The following SH3RF3 variants were observed in gnomAD, a reference collection of about 807,000 sequenced individuals.
The protein encoded by SH3RF3 is SH3 domain containing ring finger 3.
SH3RF3 carries 29 observed loss-of-function variants against 66.3 expected under a neutral mutation model. The observed-to-expected ratio is 0.44, with a 90% CI of 0.33 to 0.60. The LOEUF (loss-of-function observed/expected upper bound fraction) is 0.60, where lower values mean the gene tolerates loss of function less well. Among genes scored for constraint, SH3RF3 ranks in the 20% least tolerant of loss-of-function variants. SH3RF3 has a pLI of 0.04. For synonymous variants in SH3RF3, 583 were observed against 532.0 expected (o/e 1.10, Z -1.32); for missense variants, 1,194 against 1,190.9 (o/e 1.00, Z -0.04).
At chr2:109,244,185 A>T (rs559549388) in intron 1 of SH3RF3, among the ~76,000 whole-genome samples, 138 of 152,284 alleles carry the variant, frequency 9.1e-4, no homozygotes, top group African/African-American at 3.1e-3. Flanking sequence ...CTATTTATGG[A>T]CTGCAAAACA....
At chr2:109,389,402 G>A (rs1234727608) in intron 3 of SH3RF3, among the ~76,000 whole-genome samples, 5 of 152,240 alleles carry the variant, frequency 3.3e-5, no homozygotes, top group Non-Finnish European at 7.3e-5. Context: ...CAGTGACACT[G>A]CATTTGACAT....
intron 5 of SH3RF3, among the ~76,000 whole-genome samples, chr2:109,429,449 G>A (rs1009649580): frequency 2.0e-5 from 3 of 152,144 alleles, no homozygotes; most frequent in Non-Finnish European, 2.9e-5. Flanking sequence ...TCAACAGAAC[G>A]AACTTAAAAT....
rs1325434000 is a variant in SH3RF3, at chr2:109,447,164, A to G, written c.1829-2006A>G. ...TGAATATTTAAAAAAAAAAAAAAAA[A>G]AAAAGAAAAGAAAAAGAAAAAGAAA... On this transcript the variant is annotated intron_variant, in intron 7 of 9. Coordinates refer to ENST00000309415, the MANE Select transcript of SH3RF3 (RefSeq NM_001099289.3). 2.9e-3 allele frequency among the ~76,000 whole-genome samples: 435 copies of G among 149,854 alleles called. 1 individual carries two copies. The highest frequency in any genetic ancestry group is 8.0e-3 in the East Asian group (41 of 5,146).
At chr2:109,287,273 T>A (rs1425801983) in intron 1 of SH3RF3, among the ~76,000 whole-genome samples, 3 of 152,184 alleles carry the variant, frequency 2.0e-5, no homozygotes, top group Admixed American at 6.5e-5. Context: ...TGTGTAGTGT[T>A]TTGTGGTCAC....
Position 109,490,891 on chromosome 2 carries a change from C to T in SH3RF3, c.2435C>T (p.Ser812Phe), listed in dbSNP as rs1679113376. ...TCTCCTTCCCGGCAAGCTCCGCTGTCCATGGCTGCCATCCGCCCCGAGCCC... is the reference window on the plus strand; with the variant it reads ...TCTCCTTCCCGGCAAGCTCCGCTGTTCATGGCTGCCATCCGCCCCGAGCCC... Reference protein sequence around the residue: ...FTSPSRQAPLSMAAIRPEPKL... With the variant: ...FTSPSRQAPLFMAAIRPEPKL... The change falls in exon 9 of 10, where the codon TCC (serine) becomes TTC (phenylalanine). Residue 812 changes from serine (S) to phenylalanine (F), a missense_variant. By Grantham distance (155) the Ser-to-Phe change is radical. Coordinates refer to ENST00000309415, the MANE Select transcript of SH3RF3 (RefSeq NM_001099289.3). 1 of 1,526,444 alleles carries T rather than the reference C, an allele frequency of 6.6e-7. No homozygotes were observed. Among genetic ancestry groups the T allele is most frequent in the Non-Finnish European group, 8.8e-7 (1 of 1,139,430 alleles). 94.6% of individuals were successfully genotyped at this position (1,526,444 alleles called of 1,614,324 possible).
Position 109,480,866 on chromosome 2 carries a change from G to C in SH3RF3, c.2149-9739G>C, listed in dbSNP as rs551532830. ...GCTGTTCTCTAGCTTGGAGCTTGGG[G>C]CATCTGTGGATGGTTTGATTTGTGT... On this transcript the variant is annotated intron_variant, in intron 8 of 9. Coordinates refer to ENST00000309415, the MANE Select transcript of SH3RF3 (RefSeq NM_001099289.3). Among the ~76,000 whole-genome samples the C allele has an allele frequency of 3.3e-5, 5 of 152,286 alleles. No homozygotes were observed. In the South Asian group the frequency reaches 1.0e-3, roughly 32 times the overall value.
intron 2 of SH3RF3, among the ~76,000 whole-genome samples, chr2:109,351,478 T>TATA (rs1325122192): frequency 6.6e-6 from 1 of 152,206 alleles, no homozygotes; most frequent in African/African-American, 2.4e-5. Flanking sequence ...AACTCTATAT[T>TATA]GTCTTACTCA....
chr2:109,173,713 C>A (rs1233142883), intron 1 of SH3RF3, among the ~76,000 whole-genome samples: 2 of 152,138 alleles, frequency 1.3e-5, no homozygotes, highest in Non-Finnish European at 2.9e-5. Flanking sequence ...GGGAAATCCG[C>A]TGTCTGGAGG....
chr2:109,306,169 A>T (rs1005128927), intron 1 of SH3RF3, among the ~76,000 whole-genome samples: 1 of 152,238 alleles, frequency 6.6e-6, no homozygotes. Context: ...TTATAGAGAA[A>T]ATCCACTAAA....
chr2:109,186,290 C>T (rs1401158352), intron 1 of SH3RF3, among the ~76,000 whole-genome samples: 1 of 152,252 alleles, frequency 6.6e-6, no homozygotes, highest in Non-Finnish European at 1.5e-5. Flanking sequence ...GTAATCCTGA[C>T]TGCAGCCCTA....
intron 1 of SH3RF3, among the ~76,000 whole-genome samples, chr2:109,339,518 CA>C (rs1308597690): frequency 6.6e-6 from 1 of 152,120 alleles, no homozygotes; most frequent in African/African-American, 2.4e-5. Flanking sequence ...GTGTGCTGCC[CA>C]AAAGGCCGGT....
intron 1 of SH3RF3, among the ~76,000 whole-genome samples, chr2:109,219,018 C>G (rs1464365858): frequency 6.6e-6 from 1 of 152,228 alleles, no homozygotes; most frequent in Non-Finnish European, 1.5e-5. Context: ...ACCTCTCTTT[C>G]TTGGCTGCAG....
intron 9 of SH3RF3, among the ~76,000 whole-genome samples, chr2:109,500,410 G>C (rs1312832804): frequency 6.6e-6 from 1 of 152,150 alleles, no homozygotes. Context: ...ATGCCCCTGG[G>C]TCCCTGCAGG....
chr2:109,336,189 C>T (rs1005453236), intron 1 of SH3RF3, among the ~76,000 whole-genome samples: 2 of 152,204 alleles, frequency 1.3e-5, no homozygotes, highest in Non-Finnish European at 2.9e-5. Flanking sequence ...AAAATCACCA[C>T]GTGCCTAGAA....
chr2:109,166,228 C>T (rs1182020240), intron 1 of SH3RF3, among the ~76,000 whole-genome samples: 2 of 152,142 alleles, frequency 1.3e-5, no homozygotes, highest in Non-Finnish European at 2.9e-5. Context: ...CCTGTCATCC[C>T]AGCACTTTGG....
intron 1 of SH3RF3, among the ~76,000 whole-genome samples, chr2:109,285,946 C>T (rs961483773): frequency 7.9e-5 from 12 of 152,158 alleles, no homozygotes; most frequent in South Asian, 6.2e-4. Context: ...CTCTTTTCTG[C>T]CCTGGGTTCT....
intron 1 of SH3RF3, among the ~76,000 whole-genome samples, chr2:109,150,008 T>A (rs1005417291): frequency 2.6e-5 from 4 of 152,202 alleles, no homozygotes; most frequent in Non-Finnish European, 4.4e-5. Context: ...CTGATGTCTG[T>A]CTCAGCCCAG....
chr2:109,371,315 C>G (rs138935992), intron 2 of SH3RF3, among the ~76,000 whole-genome samples: 2 of 152,164 alleles, frequency 1.3e-5, no homozygotes, highest in Non-Finnish European at 2.9e-5. Context: ...GCTTGAACCC[C>G]GGAGGCGGAG....
At chr2:109,413,546 G>A (rs1164771610) in intron 4 of SH3RF3, among the ~76,000 whole-genome samples, 2 of 152,208 alleles carry the variant, frequency 1.3e-5, no homozygotes, top group Admixed American at 1.3e-4. Flanking sequence ...GTGTCTCTGT[G>A]TCTTCCTGTC....
Sources: gnomAD v4.1 joint callset for allele counts (sites outside exome capture counted in the v4.1 genomes callset) on GRCh38, gnomAD v4.1.1 for gene constraint, MANE v1.5 for transcripts, NCBI Gene and HGNC (gene_info 2026-07-23, HGNC 2026-07-21) for gene names.